STX16: variants seen among roughly 807,000 people sequenced by gnomAD.
STX16 encodes the protein syntaxin 16.
A neutral mutation model predicts 42.7 loss-of-function variants in STX16; 28 were observed. The ratio of observed to expected loss-of-function variants is 0.66; its 90% CI spans 0.49 to 0.90. STX16 has a LOEUF of 0.90. Among genes scored for constraint, STX16 ranks in the 40% least tolerant of loss-of-function variants. The pLI is 0.00. For missense variants in STX16, 361 were observed against 420.9 expected, an observed-to-expected ratio of 0.86 and a Z score of 1.24; for synonymous variants, 156 against 155.2, an observed-to-expected ratio of 1.00 and a Z score of -0.04.
intron 2 of STX16, among the ~76,000 whole-genome samples, chr20:58,664,220 C>T (rs1014471897): frequency 1.4e-4 from 22 of 152,124 alleles, no homozygotes; most frequent in Admixed American, 1.4e-3. Flanking sequence ...CATATTTGTT[C>T]CCATTTCAAA....
intron 8 of STX16, among the ~76,000 whole-genome samples, chr20:58,674,325 C>A (rs1037510207): frequency 9.9e-5 from 15 of 152,252 alleles, no homozygotes; most frequent in Non-Finnish European, 2.1e-4. Flanking sequence ...TGGAAAGCAT[C>A]TTAGGAATCT....
intron 7 of STX16, among the ~76,000 whole-genome samples, chr20:58,673,049 T>C (rs1289436697): frequency 1.3e-5 from 2 of 152,186 alleles, no homozygotes; most frequent in East Asian, 3.8e-4. Context: ...TGTCCCCGTC[T>C]TCCAATTTAA....
In STX16 at chr20:58,674,722, G is replaced by GT. The variant is rs998352477; in HGVS notation, c.873+1018dup. ...AGAAGTCTGACCTTGTCTATGCAGG[G>GT]TTTTTTTAAGCATTTAGATTAATTT... On this transcript the variant is annotated intron_variant, in intron 8 of 8. Coordinates refer to ENST00000371141, the MANE Select transcript of STX16 (RefSeq NM_001001433.3). Among the ~76,000 whole-genome samples the GT allele has an allele frequency of 9.3e-4, 141 of 152,200 alleles. 1 individual carries two copies. Among genetic ancestry groups the GT allele is most frequent in the African/African-American group, 3.3e-3 (139 of 41,542 alleles).
In STX16 at chr20:58,651,756, A is replaced by G. The variant is rs1434666077; in HGVS notation, c.-251A>G. On this transcript the variant is annotated 5_prime_UTR_variant, in exon 1 of 9. Transcript: ENST00000371141. ...CGCTACGCAAGGATTGGGGGGATTC[A>G]AGTGCTTAGAGATCGAAGTCTGCCC... is the stretch of plus-strand genomic sequence containing the variant. 1 of 435,878 alleles carries G rather than the reference A, an allele frequency of 2.3e-6. No individual in the cohort carries two copies. Among genetic ancestry groups the G allele is most frequent in the Non-Finnish European group, 4.2e-6 (1 of 236,472 alleles). 27.0% of individuals were successfully genotyped at this position (435,878 alleles called of 1,614,324 possible).
At chr20:58,664,647 A>G (rs2083774466) in intron 2 of STX16, among the ~76,000 whole-genome samples, 1 of 152,238 alleles carries the variant, frequency 6.6e-6, no homozygotes, top group African/African-American at 2.4e-5. Context: ...CATAAAATCA[A>G]GTACTGCTTC....
At chr20:58,655,411 G>C (rs535999492) in intron 1 of STX16, among the ~76,000 whole-genome samples, 3 of 152,182 alleles carry the variant, frequency 2.0e-5, no homozygotes, top group African/African-American at 7.2e-5. Flanking sequence ...GTCCCTGTGC[G>C]TGCATACAGG....
At chr20:58,669,217 G>T in intron 4 of STX16, 74 bp from the exon 5 acceptor site, 2 of 1,519,288 alleles carry the variant, frequency 1.3e-6, no homozygotes, top group South Asian at 1.2e-5. Flanking sequence ...TCTCACTCTG[G>T]CTTGTGATGT....
chr20:58,675,896 C>T (rs1045976336), intron 8 of STX16, among the ~76,000 whole-genome samples: 5 of 152,216 alleles, frequency 3.3e-5, no homozygotes, highest in Non-Finnish European at 7.3e-5. Flanking sequence ...GGCCCAGCTG[C>T]ACCCGGAAGC....
At chr20:58,654,970 AAAGT>A (rs1448007721) in intron 1 of STX16, among the ~76,000 whole-genome samples, 2 of 152,080 alleles carry the variant, frequency 1.3e-5, no homozygotes, top group East Asian at 1.9e-4. Context: ...ATAGAAACTT[AAAGT>A]AAGTATATTT....
At position 58,651,744 on chromosome 20, in the gene STX16, T is replaced by C. The variant is rs2083460216; in HGVS notation, c.-263T>C. Reference sequence around the variant, plus strand: ...GGGACGTTGGATCGCTACGCAAGGATTGGGGGGATTCAAGTGCTTAGAGAT... The same window carrying C: ...GGGACGTTGGATCGCTACGCAAGGACTGGGGGGATTCAAGTGCTTAGAGAT... On this transcript the variant is annotated 5_prime_UTR_variant, in exon 1 of 9. Coordinates refer to ENST00000371141, the MANE Select transcript of STX16 (RefSeq NM_001001433.3). 5 of 383,580 alleles carry C rather than the reference T, an allele frequency of 1.3e-5. No individual in the cohort carries two copies. The highest frequency in any genetic ancestry group is 1.1e-4 in the East Asian group (2 of 18,200). The allele number at this position is 383,580 out of a possible 1,614,324, so 23.8% of individuals were successfully genotyped here. A position where few individuals can be genotyped will look rare whatever the true frequency, so the allele number is the denominator to read the frequency against.
chr20:58,652,379 C>CT (rs1161216842), intron 1 of STX16: 5 of 588,274 alleles, frequency 8.5e-6, no homozygotes, highest in South Asian at 6.6e-5. Flanking sequence ...GCACCCCCCC[C>CT]CCCGCACCCC....
In STX16 at chr20:58,677,478, G is replaced by T. The variant is rs571807129; in HGVS notation, c.*1187G>T. 2.0e-5 allele frequency: 3 copies of T among 152,420 alleles called. No individual in the cohort carries two copies. The South Asian group carries it at 6.2e-4, about 32-fold the overall frequency. The allele number at this position is 152,420 out of a possible 1,614,324, so 9.4% of individuals were successfully genotyped here. On this transcript the variant is annotated 3_prime_UTR_variant, in exon 9 of 9. Transcript: ENST00000371141. ...CAGACCGCCAAAGTAGGACTTCATC[G>T]TTTACCTACCTATTATCAATATGGT...
intron 7 of STX16, among the ~76,000 whole-genome samples, chr20:58,672,704 A>G (rs1184571433): frequency 6.6e-6 from 1 of 152,200 alleles, no homozygotes; most frequent in Non-Finnish European, 1.5e-5. Context: ...ACCCTACTCT[A>G]GAGACCTAGT....
intron 2 of STX16, among the ~76,000 whole-genome samples, chr20:58,660,783 T>A (rs557912178): frequency 2.2e-5 from 3 of 135,512 alleles, no homozygotes; most frequent in Non-Finnish European, 3.1e-5. Flanking sequence ...GCTTAAAAAA[T>A]TCCTGAAAAG....
chr20:58,652,285 G>GCTACAGATGCCCCCT, intron 1 of STX16, 147 bp downstream of exon 1: 1 of 1,216,958 alleles, frequency 8.2e-7, no homozygotes, highest in Non-Finnish European at 1.2e-6. Context: ...TAGAGTCAGG[G>GCTACAGATGCCCCCT]GGCATCTGTA....
At chr20:58,667,928 A>G in intron 3 of STX16, 59 bp from the exon 4 acceptor site, 1 of 1,609,148 alleles carries the variant, frequency 6.2e-7, no homozygotes, top group Non-Finnish European at 8.5e-7. Flanking sequence ...AGTGTAGCTG[A>G]TGGAGGCAGA....
chr20:58,678,268 T>G lies in STX16; in HGVS notation c.*1977T>G, dbSNP rs1426590350. ...GACCCTTTAAGAGAGGATCATCTTT[T>G]TTTATATTTATTTTCACCAAATAGG... is the stretch of plus-strand genomic sequence containing the variant. On this transcript the variant is annotated 3_prime_UTR_variant, in exon 9 of 9. Transcript: ENST00000371141. The G allele has an allele frequency of 2.0e-5, 3 of 152,212 alleles. No individual in the cohort carries two copies. Among genetic ancestry groups the G allele is most frequent in the Non-Finnish European group, 4.4e-5 (3 of 68,046 alleles). 9.4% of individuals were successfully genotyped at this position (152,212 alleles called of 1,614,324 possible).
At position 58,652,034 on chromosome 20, in the gene STX16, T is replaced by G; in HGVS notation, c.28T>G (p.Phe10Val). The G allele has an allele frequency of 1.9e-6, 3 of 1,614,146 alleles. No homozygotes were observed. Among genetic ancestry groups the G allele is most frequent in the Non-Finnish European group, 2.5e-6 (3 of 1,179,998 alleles). ...GGCCACCAGGCGTTTAACCGACGCT[T>G]TCTTGTTGTTGCGGAATAATTCCAT... MATRRLTDA[F>V]LLLRNNSIQN... is the part of the protein sequence containing the mutation. Residue 10 changes from phenylalanine to valine, a missense_variant, in exon 1 of 9, where the codon TTC (phenylalanine) becomes GTC (valine). By Grantham distance (50) the Phe-to-Val change is conservative. Coordinates refer to ENST00000371141, the MANE Select transcript of STX16 (RefSeq NM_001001433.3).
rs186128587 is a variant in STX16, at chr20:58,659,098, C to T, written c.133-525C>T. Among the ~76,000 whole-genome samples, 40 of 152,338 alleles carry T rather than the reference C, an allele frequency of 2.6e-4. 1 individual carries two copies. Among genetic ancestry groups the T allele is most frequent in the African/African-American group, 8.9e-4 (37 of 41,572 alleles). ...ACATATGTGGTCACTCACATGTTATCTGAATACAGCTACAGACAATTTTTG... is the reference window on the plus strand; with the variant it reads ...ACATATGTGGTCACTCACATGTTATTTGAATACAGCTACAGACAATTTTTG... On this transcript the variant is annotated intron_variant, in intron 1 of 8. Transcript: ENST00000371141.
Sources: allele counts gnomAD v4.1 joint callset (sites outside exome capture counted in the v4.1 genomes callset), GRCh38; gene constraint gnomAD v4.1.1; transcripts MANE v1.5; gene names NCBI Gene and HGNC (gene_info 2026-07-23, HGNC 2026-07-21).